Variants in TUBGCP5 observed in about 807,000 individuals in gnomAD.
TUBGCP5 encodes the protein tubulin gamma complex component 5.
A neutral mutation model predicts 134.7 loss-of-function variants in TUBGCP5; 98 were observed. The ratio of observed to expected loss-of-function variants is 0.73; its 90% CI spans 0.62 to 0.86. TUBGCP5 has a LOEUF of 0.86. Ranked by LOEUF, TUBGCP5 falls within the 40% of genes least tolerant of loss-of-function variation. TUBGCP5 has a pLI of 0.00. For synonymous variants in TUBGCP5, 456 were observed against 431.4 expected (o/e 1.06, Z -0.71); for missense variants, 1,150 against 1,244.8 (o/e 0.92, Z 1.15).
intron 18 of TUBGCP5, 99 bp from the exon 19 acceptor site, chr15:23,005,709 G>T: frequency 7.7e-7 from 1 of 1,306,908 alleles, no homozygotes; most frequent in Non-Finnish European, 1.1e-6. Flanking sequence ...TGTGGTCCTG[G>T]CACCACAGAA....
Position 23,004,149 on chromosome 15 carries a change from A to T in TUBGCP5, c.2791T>A (p.Tyr931Asn), listed in dbSNP as rs1407116500. Residue 931 changes from tyrosine to asparagine, a missense_variant, in exon 20 of 23, where the codon TAT becomes AAT. This residue lies in a region of TUBGCP5 where 697 missense variants were observed against 850.1 expected (regional missense o/e 0.82). Coordinates refer to ENST00000615383, the MANE Select transcript of TUBGCP5 (RefSeq NM_052903.6). ...KDLDQLIKIHYRYLSTIHDRC... is the reference protein window; with the variant it reads ...KDLDQLIKIHNRYLSTIHDRC... ...TCATGGATGGTTGACAGATACCTATAGTGAATTTTAATCAATTGATCTAAA... is the reference window on the plus strand; with the variant it reads ...TCATGGATGGTTGACAGATACCTATTGTGAATTTTAATCAATTGATCTAAA... 1 of 1,613,444 alleles carries T rather than the reference A, an allele frequency of 6.2e-7. No individual in the cohort carries two copies. Among genetic ancestry groups the T allele is most frequent in the Non-Finnish European group, 8.5e-7 (1 of 1,179,840 alleles).
At chr15:23,014,536 C>A (rs2140488933) in intron 13 of TUBGCP5, among the ~76,000 whole-genome samples, 1 of 152,324 alleles carries the variant, frequency 6.6e-6, no homozygotes, top group Non-Finnish European at 1.5e-5. Flanking sequence ...CACCCTCATG[C>A]CAGCCAAGCA....
At position 23,011,167 on chromosome 15, in the gene TUBGCP5, C is replaced by T. The variant is rs772183280; in HGVS notation, c.1921G>A (p.Val641Ile). ...TTAATGGCAAGCAGTGGATCATGAA[C>T]ATCATCCAGTTCAAGATGGCTTTCA... ...IAESHLELDD[V>I]HDPLLAINFA... Residue 641 changes from valine (V) to isoleucine (I), a missense_variant, in exon 14 of 23, where the codon GTT (valine) becomes ATT (isoleucine). Coordinates refer to ENST00000615383, the MANE Select transcript of TUBGCP5 (RefSeq NM_052903.6). 3.7e-6 allele frequency: 6 copies of T among 1,613,996 alleles called. No homozygotes were observed. In the East Asian group the frequency reaches 8.9e-5, roughly 24 times the overall value.
intron 6 of TUBGCP5, 126 bp from the exon 7 acceptor site, chr15:23,027,432 C>A: frequency 3.1e-6 from 2 of 635,554 alleles, no homozygotes; most frequent in Non-Finnish European, 5.4e-6. Context: ...AGCTACCTAA[C>A]ATTTATGTAT....
At chr15:23,004,006 T>G in intron 20 of TUBGCP5, 96 bp downstream of exon 20, 1 of 1,450,762 alleles carries the variant, frequency 6.9e-7, no homozygotes, top group Non-Finnish European at 9.2e-7. Flanking sequence ...AAGAATATTC[T>G]ACAGGACAGA....
intron 23 of TUBGCP5, among the ~76,000 whole-genome samples, chr15:22,984,982 CAGAG>C (rs549136546): frequency 9.2e-5 from 14 of 152,136 alleles, no homozygotes; most frequent in African/African-American, 3.4e-4. Context: ...ATATAACAGA[CAGAG>C]AGTTTGTGTC....
chr15:23,026,263 A>G, intron 7 of TUBGCP5, 58 bp from the exon 8 acceptor site: 2 of 1,445,498 alleles, frequency 1.4e-6, no homozygotes, highest in Non-Finnish European at 1.9e-6. Flanking sequence ...TAAATAACTT[A>G]TCTCAAAGAA....
In TUBGCP5 at chr15:23,036,852, G is replaced by GA. The variant is rs750432203; in HGVS notation, c.309+44dup. 1.3e-5 allele frequency: 16 copies of GA among 1,254,556 alleles called. No homozygotes were observed. The African/African-American group carries it at 2.4e-4, about 19-fold the overall frequency. The allele number at this position is 1,254,556 out of a possible 1,614,324, so 77.7% of individuals were successfully genotyped here. On this transcript the variant is annotated intron_variant, in intron 3 of 22. Transcript: ENST00000615383. ...AAACAAATTGACGATAATCAGATAG[G>GA]AAACAGTAAAATACACAGTGGAGAT...
chr15:23,030,682 T>G (rs1027251362), intron 6 of TUBGCP5, among the ~76,000 whole-genome samples: 37 of 151,570 alleles, frequency 2.4e-4, no homozygotes, highest in African/African-American at 8.7e-4. Flanking sequence ...AATTACACTC[T>G]ACATGTATGA....
At position 23,024,833 on chromosome 15, in the gene TUBGCP5, G is replaced by T; in HGVS notation, c.828-3C>A. On this transcript the variant is annotated splice_polypyrimidine_tract_variant and splice_region_variant and intron_variant, in intron 8 of 22. Transcript: ENST00000615383. The stretch of plus-strand genomic sequence containing the variant: ...GCTTTTTCACTCCTGAAAGTAACCT[G>T]AAATGAGATTAAAAAAAGACGAGTG... 1 of 1,526,562 alleles carries T rather than the reference G, an allele frequency of 6.6e-7. No homozygotes were observed. The highest frequency in any genetic ancestry group is 1.8e-5 in the Admixed American group (1 of 55,098). The allele number at this position is 1,526,562 out of a possible 1,614,324, so 94.6% of individuals were successfully genotyped here. A position where few individuals can be genotyped will look rare whatever the true frequency, so the allele number is the denominator to read the frequency against.
intron 23 of TUBGCP5, among the ~76,000 whole-genome samples, chr15:22,987,059 G>A (rs1364080489): frequency 1.3e-5 from 2 of 152,022 alleles, no homozygotes; most frequent in East Asian, 3.9e-4. Flanking sequence ...GTGGCTGGGG[G>A]CGGTGGCTCA....
downstream of TUBGCP5, among the ~76,000 whole-genome samples, chr15:22,994,989 A>G (rs1198323832): frequency 6.6e-6 from 1 of 152,116 alleles, no homozygotes; most frequent in African/African-American, 2.4e-5. Context: ...CATGCCTGTA[A>G]TCCCATCACT....
Position 23,039,485 on chromosome 15 carries a change from C to G in TUBGCP5, c.59G>C (p.Arg20Pro). ...RLDAQQERDVRELVRGVAGLQ... is the reference protein window; with the variant it reads ...RLDAQQERDVPELVRGVAGLQ... ...GCCGGCGACACCCCGGACGAGCTCCCGCACGTCGCGCTCCTGCTGCGCGTC... is the reference window on the plus strand; with the variant it reads ...GCCGGCGACACCCCGGACGAGCTCCGGCACGTCGCGCTCCTGCTGCGCGTC... Residue 20 changes from arginine to proline, a missense_variant, in exon 1 of 23, where the codon CGG (arginine) becomes CCG (proline). This residue lies in a region of TUBGCP5 where 453 missense variants were observed against 394.7 expected (regional missense o/e 1.15). Coordinates refer to ENST00000615383, the MANE Select transcript of TUBGCP5 (RefSeq NM_052903.6). 6.6e-7 allele frequency: 1 copy of G among 1,525,668 alleles called. No homozygotes were observed. The highest frequency in any genetic ancestry group is 2.7e-5 in the East Asian group (1 of 37,570). 94.5% of individuals were successfully genotyped at this position (1,525,668 alleles called of 1,614,324 possible). A position where few individuals can be genotyped will look rare whatever the true frequency, so the allele number is the denominator to read the frequency against.
At chr15:23,022,718 T>A (rs2065772176) in intron 10 of TUBGCP5, among the ~76,000 whole-genome samples, 2 of 152,226 alleles carry the variant, frequency 1.3e-5, no homozygotes, top group Admixed American at 1.3e-4. Flanking sequence ...GCAGTTTGGC[T>A]AATGTGCTGT....
At chr15:23,037,818 T>C (rs2066681528) in intron 1 of TUBGCP5, among the ~76,000 whole-genome samples, 1 of 152,198 alleles carries the variant, frequency 6.6e-6, no homozygotes, top group Admixed American at 6.5e-5. Flanking sequence ...ACTTTTCAGT[T>C]AGAGAAAAGT....
rs531926227 is a variant in TUBGCP5, at chr15:23,003,632, GTTTTTTTTTTTTT to G, written c.2838+457_2838+469del. On this transcript the variant is annotated intron_variant, in intron 20 of 22. Coordinates refer to ENST00000615383, the MANE Select transcript of TUBGCP5 (RefSeq NM_052903.6). ...CTACGAATAGGGCACTCCTCCTTCTGTTTTTTTTTTTTTTTTTTTTTTTTTTTTTAAGAGACAA... is the reference window on the plus strand; with the variant it reads ...CTACGAATAGGGCACTCCTCCTTCTGTTTTTTTTTTTTTTTTAAGAGACAA... Among the ~76,000 whole-genome samples, 204 of 88,688 alleles carry G rather than the reference GTTTTTTTTTTTTT, an allele frequency of 2.3e-3. 1 individual carries two copies. The highest frequency in any genetic ancestry group is 6.7e-3 in the African/African-American group (170 of 25,212). The allele number at this position is 88,688 out of a possible 152,430, so 58.2% of individuals were successfully genotyped here.
At chr15:23,003,817 A>G (rs575113653) in intron 20 of TUBGCP5, among the ~76,000 whole-genome samples, 1 of 151,660 alleles carries the variant, frequency 6.6e-6, no homozygotes, top group Non-Finnish European at 1.5e-5. Flanking sequence ...CATGTCTGCT[A>G]ATCTTTTTAA....
Position 23,013,233 on chromosome 15 carries a change from A to T in TUBGCP5, c.1757-1902T>A, listed in dbSNP as rs368277514. ...TTCAGGAGGCCGAGGCGGGCGGATC[A>T]TGAGGTCAGGGGATCGAGACCATAC... On this transcript the variant is annotated intron_variant, in intron 13 of 22. Coordinates refer to ENST00000615383, the MANE Select transcript of TUBGCP5 (RefSeq NM_052903.6). The surrounding 1 kb of genome is among the most constrained non-coding windows in gnomAD (Gnocchi z 4.5). 7.4e-4 allele frequency among the ~76,000 whole-genome samples: 113 copies of T among 152,086 alleles called. No individual in the cohort carries two copies. The highest frequency in any genetic ancestry group is 1.9e-3 in the African/African-American group (79 of 41,476).
chr15:23,007,513 CTCT>C (rs1214056707), intron 16 of TUBGCP5, among the ~76,000 whole-genome samples: 1 of 152,178 alleles, frequency 6.6e-6, no homozygotes, highest in East Asian at 1.9e-4. Flanking sequence ...GAAAGCCAAT[CTCT>C]CTTCCCTCCA....
Sources: gnomAD v4.1 joint callset for allele counts (sites outside exome capture counted in the v4.1 genomes callset) on GRCh38, gnomAD v4.1.1 for gene constraint, gnomAD v4.1.1 regional missense constraint, Gnocchi (gnomAD v3.1) non-coding constraint, MANE v1.5 for transcripts, NCBI Gene and HGNC (gene_info 2026-07-23, HGNC 2026-07-21) for gene names.